Variants in IL1RAPL1 observed in about 807,000 individuals in gnomAD.
The protein encoded by IL1RAPL1 is interleukin-1 receptor accessory protein-like 1.
In IL1RAPL1, 3 loss-of-function variants were observed where a neutral mutation model predicts 48.4. The observed-to-expected ratio is 0.06, with a 90% CI of 0.03 to 0.16. IL1RAPL1 has a LOEUF of 0.16. Among genes scored for constraint, IL1RAPL1 ranks in the 10% least tolerant of loss-of-function variants. IL1RAPL1 has a pLI of 1.00. For synonymous variants in IL1RAPL1, 185 were observed against 187.7 expected (o/e 0.99, Z 0.12); for missense variants, 349 against 530.6 (o/e 0.66, Z 3.36).
At chrX:29,697,077 TA>T (rs1163247624) in intron 6 of IL1RAPL1, among the ~76,000 whole-genome samples, 1 of 111,717 alleles carries the variant, frequency 9.0e-6, no homozygotes. Flanking sequence ...CATGTAGTGA[TA>T]TGAAATAAAA....
At chrX:29,511,407 C>T (rs1463952953) in intron 5 of IL1RAPL1, among the ~76,000 whole-genome samples, 2 of 112,008 alleles carry the variant, frequency 1.8e-5, no homozygotes, top group Non-Finnish European at 3.8e-5. Context: ...TCTGCACAGC[C>T]TACTTCTTAC....
intron 3 of IL1RAPL1, among the ~76,000 whole-genome samples, chrX:29,391,580 G>A (rs1391778219): frequency 9.0e-6 from 1 of 111,306 alleles, no homozygotes; most frequent in South Asian, 3.7e-4. Context: ...GTTAGATCAT[G>A]GATTTTTTTG....
intron 5 of IL1RAPL1, among the ~76,000 whole-genome samples, chrX:29,527,078 C>T (rs1288811950): frequency 9.0e-6 from 1 of 110,997 alleles, no homozygotes; most frequent in African/African-American, 3.3e-5. Context: ...AATCAAAAGT[C>T]CTGAAATAGA....
rs1331839970 is a variant in IL1RAPL1, at chrX:29,492,805, G to T, written c.703+93497G>T. On this transcript the variant is annotated intron_variant, in intron 5 of 10. Transcript: ENST00000378993. ...ATGAGGATGTGGGCATCTACAGGGG[G>T]CCATTATTCTGCCTACTACATATGG... Among the ~76,000 whole-genome samples, 9 of 111,455 alleles carry T rather than the reference G, an allele frequency of 8.1e-5. No homozygotes were observed. The East Asian group carries it at 2.2e-3, about 28-fold the overall frequency.
At chrX:28,976,206 G>T (rs1925204080) in intron 2 of IL1RAPL1, among the ~76,000 whole-genome samples, 1 of 111,816 alleles carries the variant, frequency 8.9e-6, no homozygotes, top group Admixed American at 9.5e-5. Flanking sequence ...AGAATGAAAT[G>T]AAAGAGGGTT....
At chrX:29,662,494 G>A (rs1925874097) in intron 5 of IL1RAPL1, among the ~76,000 whole-genome samples, 1 of 111,951 alleles carries the variant, frequency 8.9e-6, no homozygotes, top group Admixed American at 9.5e-5. Flanking sequence ...CTGGAATGCA[G>A]GCTTCATGAA....
chrX:29,789,217 GA>G (rs1305732740), intron 6 of IL1RAPL1, among the ~76,000 whole-genome samples: 1 of 111,733 alleles, frequency 8.9e-6, no homozygotes, highest in African/African-American at 3.2e-5. Flanking sequence ...TGTTAGCTTT[GA>G]AAAAATACAT....
At chrX:29,822,112 TA>T (rs1220419902) in intron 6 of IL1RAPL1, among the ~76,000 whole-genome samples, 1 of 112,132 alleles carries the variant, frequency 8.9e-6, no homozygotes, top group African/African-American at 3.2e-5. Flanking sequence ...TCATTTAGAA[TA>T]ACAATCTGGA....
intron 2 of IL1RAPL1, among the ~76,000 whole-genome samples, chrX:29,111,925 CT>C (rs34885583): frequency 0.013 from 797 of 59,705 alleles, 3 homozygotes; most frequent in African/African-American, 0.045. Context: ...TTTCACTTTT[CT>C]TTTTTTTTTT....
chrX:29,379,021 G>C (rs1285496870), intron 3 of IL1RAPL1, among the ~76,000 whole-genome samples: 2 of 112,387 alleles, frequency 1.8e-5, no homozygotes, highest in Non-Finnish European at 3.8e-5. Flanking sequence ...CTGTGAGAGT[G>C]GGCTCCTCCC....
intron 1 of IL1RAPL1, among the ~76,000 whole-genome samples, chrX:28,765,887 A>C (rs1357859473): frequency 9.0e-6 from 1 of 111,707 alleles, no homozygotes; most frequent in African/African-American, 3.2e-5. Flanking sequence ...GAAAATTGAC[A>C]TGAAGAATCT....
chrX:29,302,602 A>T (rs1932553672), intron 3 of IL1RAPL1, among the ~76,000 whole-genome samples: 1 of 112,078 alleles, frequency 8.9e-6, no homozygotes, highest in Admixed American at 9.5e-5. Flanking sequence ...GTTGGAAAGG[A>T]TCAGTTCATG....
intron 6 of IL1RAPL1, among the ~76,000 whole-genome samples, chrX:29,684,404 G>C (rs992676988): frequency 3.6e-5 from 4 of 111,526 alleles, no homozygotes; most frequent in Non-Finnish European, 7.5e-5. Flanking sequence ...CCTCCGAAAG[G>C]CTTCTAATAC....
rs777253054 is a variant in IL1RAPL1 at position 29,337,121 on chromosome X, C to G, written c.362+53904C>G. Among the ~76,000 whole-genome samples, 10 of 111,900 alleles carry G rather than the reference C, an allele frequency of 8.9e-5. No individual in the cohort carries two copies. The East Asian group carries it at 2.2e-3, about 25-fold the overall frequency. ...TGGGGTATTGTGTTCTGAGTTCCAA[C>G]ATGGCAAACATGCCCTTTTATTATA... On this transcript the variant is annotated intron_variant, in intron 3 of 10. Coordinates refer to ENST00000378993, the MANE Select transcript of IL1RAPL1 (RefSeq NM_014271.4).
At chrX:29,851,965 A>G (rs1441360478) in intron 6 of IL1RAPL1, among the ~76,000 whole-genome samples, 1 of 112,843 alleles carries the variant, frequency 8.9e-6, no homozygotes, top group Non-Finnish European at 1.9e-5. Context: ...AAACATAGTG[A>G]TGCTCTTAAA....
intron 2 of IL1RAPL1, among the ~76,000 whole-genome samples, chrX:28,969,485 T>C (rs1433349525): frequency 9.2e-6 from 1 of 108,962 alleles, no homozygotes; most frequent in Non-Finnish European, 1.9e-5. Flanking sequence ...TTTTTTTCAG[T>C]GTAGGCATTT....
intron 6 of IL1RAPL1, among the ~76,000 whole-genome samples, chrX:29,823,119 G>A (rs1368487450): frequency 8.9e-6 from 1 of 111,757 alleles, no homozygotes; most frequent in Non-Finnish European, 1.9e-5. Flanking sequence ...TCTTTGTTTG[G>A]GAGGCACTGG....
intron 2 of IL1RAPL1, among the ~76,000 whole-genome samples, chrX:28,963,934 ATTCTACTCAATT>A (rs1924853410): frequency 9.0e-6 from 1 of 111,363 alleles, no homozygotes; most frequent in South Asian, 3.7e-4. Context: ...TATATGTATC[ATTCTACTCAATT>A]TTCTCTGTGT....
At chrX:28,776,797 C>T (rs753521814) in intron 1 of IL1RAPL1, among the ~76,000 whole-genome samples, 1 of 111,636 alleles carries the variant, frequency 9.0e-6, no homozygotes, top group African/African-American at 3.2e-5. Flanking sequence ...TGCTCAGATA[C>T]ATGCCTGGCA....
Sources: allele counts gnomAD v4.1 joint callset (sites outside exome capture counted in the v4.1 genomes callset), GRCh38; gene constraint gnomAD v4.1.1; transcripts MANE v1.5; gene names NCBI Gene and HGNC (gene_info 2026-07-23, HGNC 2026-07-21).